Variants in VPS26C observed in about 807,000 individuals in gnomAD.
VPS26C encodes vacuolar protein sorting-associated protein 26C.
A neutral mutation model predicts 30.6 loss-of-function variants in VPS26C; 19 were observed. The observed-to-expected ratio is 0.62, with a 90% CI of 0.43 to 0.91. VPS26C has a LOEUF of 0.91. Ranked by LOEUF, VPS26C falls within the 40% of genes least tolerant of loss-of-function variation. The pLI is 0.00. For synonymous variants in VPS26C, 132 were observed against 151.5 expected (o/e 0.87, Z 0.95); for missense variants, 318 against 385.1 (o/e 0.83, Z 1.46).
chr21:37,267,952 C>G (rs537290790), upstream of VPS26C: 1 of 152,642 alleles, frequency 6.6e-6, no homozygotes, highest in Non-Finnish European at 1.5e-5. Flanking sequence ...AGGGGTGCGG[C>G]CCCTGCGTGC....
chr21:37,248,502 C>G (rs1332759829), intron 1 of VPS26C, among the ~76,000 whole-genome samples: 1 of 151,734 alleles, frequency 6.6e-6, no homozygotes, highest in Non-Finnish European at 1.5e-5. Flanking sequence ...ATTTGAAAAG[C>G]TGACTAAGTG....
intron 1 of VPS26C, among the ~76,000 whole-genome samples, chr21:37,248,012 AG>A (rs927434441): frequency 1.1e-4 from 16 of 152,210 alleles, no homozygotes; most frequent in Admixed American, 2.0e-4. Context: ...CTCTAAAAAA[AG>A]AAAAAGACGT....
intron 1 of VPS26C, chr21:37,267,033 G>GC (rs1482899671): frequency 1.6e-6 from 1 of 613,462 alleles, no homozygotes; most frequent in African/African-American, 1.9e-5. Flanking sequence ...CTGCCCTGGG[G>GC]CCTCCTCGCA....
At chr21:37,248,340 TGGGGGGAG>T (rs1257523548) in intron 1 of VPS26C, among the ~76,000 whole-genome samples, 6 of 106,428 alleles carry the variant, frequency 5.6e-5, no homozygotes, top group South Asian at 6.1e-4. Context: ...CTTCTGGGGG[TGGGGGGAG>T]GGGGGGAACA....
Position 37,267,264 on chromosome 21 carries a change from T to C in VPS26C, c.31A>G (p.Arg11Gly). The C allele has an allele frequency of 7.0e-7, 1 of 1,424,590 alleles. No homozygotes were observed. Among genetic ancestry groups the C allele is most frequent in the Non-Finnish European group, 9.4e-7 (1 of 1,062,966 alleles). 88.2% of individuals were successfully genotyped at this position (1,424,590 alleles called of 1,614,324 possible). A position where few individuals can be genotyped will look rare whatever the true frequency, so the allele number is the denominator to read the frequency against. ...CCGGCGTGATAAACTTTATTCGCTC[T>C]TTTAATCTTGATGTCCAGGGCGGTC... is the stretch of plus-strand genomic sequence containing the variant. MGTALDIKIK[R>G]ANKVYHAGEV... Residue 11 changes from arginine to glycine, a missense_variant, in exon 1 of 8, where the codon AGA becomes GGA. Transcript: ENST00000309117.
intron 5 of VPS26C, chr21:37,231,954 C>T (rs1399962538): frequency 4.5e-5 from 8 of 177,812 alleles, no homozygotes; most frequent in Admixed American, 2.2e-4. Context: ...CGTTGCTGCC[C>T]GGCCTCTGTC....
At chr21:37,245,243 A>C (rs2086125951) in intron 1 of VPS26C, among the ~76,000 whole-genome samples, 1 of 152,212 alleles carries the variant, frequency 6.6e-6, no homozygotes, top group Admixed American at 6.5e-5. Context: ...AGGTCAGGTC[A>C]CTGTTCCACT....
chr21:37,227,537 C>A, intron 7 of VPS26C, 117 bp downstream of exon 7: 1 of 1,205,374 alleles, frequency 8.3e-7, no homozygotes, highest in Non-Finnish European at 1.2e-6. Flanking sequence ...TGTGGCAGGC[C>A]CTGGCACTGA....
chr21:37,229,111 A>G (rs1430427426), intron 5 of VPS26C: 3 of 152,184 alleles, frequency 2.0e-5, no homozygotes, highest in Non-Finnish European at 4.4e-5. Context: ...GAAGAAAACT[A>G]GTTTCTTTGA....
In VPS26C at chr21:37,225,535, T is replaced by A. The variant is rs749226839; in HGVS notation, c.*9A>T. On this transcript the variant is annotated 3_prime_UTR_variant, in exon 8 of 8. Coordinates refer to ENST00000309117, the MANE Select transcript of VPS26C (RefSeq NM_006052.2). Reference sequence around the variant, plus strand: ...GCCACTCCCGTTCTCTATGCTTCCCTCCTCCGGGCTATATCCTGCAGAGCT... The same window carrying A: ...GCCACTCCCGTTCTCTATGCTTCCCACCTCCGGGCTATATCCTGCAGAGCT... 15 of 1,613,198 alleles carry A rather than the reference T, an allele frequency of 9.3e-6. No individual in the cohort carries two copies. The highest frequency in any genetic ancestry group is 1.3e-5 in the African/African-American group (1 of 74,890).
chr21:37,250,703 C>T (rs984677354), intron 1 of VPS26C, among the ~76,000 whole-genome samples: 2 of 151,754 alleles, frequency 1.3e-5, no homozygotes, highest in African/African-American at 4.8e-5. Context: ...AGTTCAAGAC[C>T]AGCCTGGCCA....
rs546852663 is a variant in VPS26C at position 37,232,870 on chromosome 21, T to C, written c.433-419A>G. ...GGCCTGCTCAGCTCAGTGGTGGAGC[T>C]GGGGGGCTGAGCATTGAACCCAGGA... On this transcript the variant is annotated intron_variant, in intron 4 of 7. Coordinates refer to ENST00000309117, the MANE Select transcript of VPS26C (RefSeq NM_006052.2). 7.9e-5 allele frequency among the ~76,000 whole-genome samples: 12 copies of C among 152,212 alleles called. No individual in the cohort carries two copies. In the South Asian group the frequency reaches 1.2e-3, roughly 16 times the overall value.
chr21:37,262,895 G>A (rs957457863), intron 1 of VPS26C, among the ~76,000 whole-genome samples: 6 of 151,670 alleles, frequency 4.0e-5, no homozygotes, highest in African/African-American at 1.5e-4. Flanking sequence ...AGCCTCCCAA[G>A]TAGCTGGGAT....
At chr21:37,265,910 CTTTTTTTTTTTTTTT>C in intron 1 of VPS26C, among the ~76,000 whole-genome samples, 1 of 77,240 alleles carries the variant, frequency 1.3e-5, no homozygotes, top group Middle Eastern at 0.011. Context: ...AGCTTTTTCT[CTTTTTTTTTTTTTTT>C]TTTTTTTTTT....
intron 1 of VPS26C, among the ~76,000 whole-genome samples, chr21:37,244,969 A>C (rs1301378294): frequency 6.6e-6 from 1 of 152,326 alleles, no homozygotes; most frequent in African/African-American, 2.4e-5. Context: ...GCCCCTCTGC[A>C]AGGTGCAAAC....
intron 1 of VPS26C, among the ~76,000 whole-genome samples, chr21:37,266,355 G>C (rs1002433589): frequency 3.3e-5 from 5 of 152,162 alleles, no homozygotes; most frequent in African/African-American, 1.2e-4. Context: ...TGTCCCTTTT[G>C]AGATTACTTT....
At chr21:37,265,126 G>C (rs757529954) in intron 1 of VPS26C, among the ~76,000 whole-genome samples, 6 of 152,236 alleles carry the variant, frequency 3.9e-5, no homozygotes, top group Non-Finnish European at 8.8e-5. Context: ...CCAGGGGTCA[G>C]GAGGGAGGGG....
At chr21:37,265,256 T>C (rs1213103974) in intron 1 of VPS26C, among the ~76,000 whole-genome samples, 4 of 152,234 alleles carry the variant, frequency 2.6e-5, no homozygotes, top group African/African-American at 9.6e-5. Flanking sequence ...CTGAATTGTA[T>C]ACTTTCAAAG....
intron 5 of VPS26C, 117 bp downstream of exon 5, chr21:37,232,260 A>C: frequency 2.4e-6 from 2 of 825,478 alleles, no homozygotes; most frequent in Non-Finnish European, 4.0e-6. Context: ...TACAATCAGA[A>C]ATCTCTGCCG....
Sources: allele counts gnomAD v4.1 joint callset (sites outside exome capture counted in the v4.1 genomes callset), GRCh38; gene constraint gnomAD v4.1.1; transcripts MANE v1.5; gene names NCBI Gene and HGNC (gene_info 2026-07-23, HGNC 2026-07-21).